Variants in CNTNAP2 observed in about 807,000 individuals in gnomAD.
CNTNAP2 encodes contactin-associated protein-like 2.
CNTNAP2 carries 98 observed loss-of-function variants against 155.2 expected under a neutral mutation model. The ratio of observed to expected loss-of-function variants is 0.63; its 90% CI spans 0.54 to 0.75. The LOEUF is 0.75. Ranked by LOEUF, CNTNAP2 falls within the 30% of genes least tolerant of loss-of-function variation. The pLI, the probability that CNTNAP2 is intolerant of heterozygous loss-of-function variation, is 0.00. For missense variants in CNTNAP2, 1,727 were observed against 1,688.1 expected, an observed-to-expected ratio of 1.02 and a Z score of -0.40; for synonymous variants, 651 against 631.2, an observed-to-expected ratio of 1.03 and a Z score of -0.47.
chr7:147,008,314 G>T (rs1461403685), intron 3 of CNTNAP2, among the ~76,000 whole-genome samples: 1 of 152,046 alleles, frequency 6.6e-6, no homozygotes, highest in Non-Finnish European at 1.5e-5. Flanking sequence ...AGGAGAGAAT[G>T]AACTATAATT....
At chr7:146,896,596 C>T (rs567415671) in intron 3 of CNTNAP2, among the ~76,000 whole-genome samples, 2 of 152,062 alleles carry the variant, frequency 1.3e-5, no homozygotes, top group Admixed American at 1.3e-4. Flanking sequence ...CAGGCAATAT[C>T]AAATATTATG....
intron 1 of CNTNAP2, among the ~76,000 whole-genome samples, chr7:146,387,811 C>A (rs139561333): frequency 8.6e-5 from 13 of 151,906 alleles, no homozygotes; most frequent in African/African-American, 3.1e-4. Context: ...AAAGGGTGCA[C>A]CCAGGAGACA....
At chr7:147,414,941 CAAAAAA>C (rs67048724) in intron 10 of CNTNAP2, among the ~76,000 whole-genome samples, 1 of 50,980 alleles carries the variant, frequency 2.0e-5, no homozygotes, top group Non-Finnish European at 3.8e-5. Context: ...GACTCCTTCT[CAAAAAA>C]AAAAAAAAAA....
intron 10 of CNTNAP2, among the ~76,000 whole-genome samples, chr7:147,483,479 T>C (rs929560025): frequency 2.6e-5 from 4 of 152,172 alleles, no homozygotes; most frequent in African/African-American, 7.2e-5. Flanking sequence ...AGTAATCTTT[T>C]CTATCATCGA....
intron 1 of CNTNAP2, among the ~76,000 whole-genome samples, chr7:146,449,937 G>T (rs1351079010): frequency 3.3e-5 from 5 of 152,132 alleles, no homozygotes; most frequent in Non-Finnish European, 7.4e-5. Flanking sequence ...GTTGATTTCT[G>T]TGGAGCACTG....
At chr7:147,082,376 C>A (rs558607397) in intron 4 of CNTNAP2, among the ~76,000 whole-genome samples, 66 of 152,288 alleles carry the variant, frequency 4.3e-4, no homozygotes, top group African/African-American at 1.5e-3. Context: ...TTACTGAGAA[C>A]AGAGCCAAAA....
chr7:146,974,149 C>T (rs1524338), intron 3 of CNTNAP2, among the ~76,000 whole-genome samples: 2,205 of 152,164 alleles, frequency 0.014, 46 homozygotes, highest in African/African-American at 0.049. Flanking sequence ...ATATAGAGGA[C>T]AGGGGATGAG....
At chr7:147,295,579 A>G (rs1805423696) in intron 8 of CNTNAP2, among the ~76,000 whole-genome samples, 1 of 152,174 alleles carries the variant, frequency 6.6e-6, no homozygotes, top group African/African-American at 2.4e-5. Context: ...AGAGCTTAGA[A>G]CTTTATACTA....
rs10260427 is a variant in CNTNAP2, at chr7:147,070,737, C to T, written c.550+26683C>T. On this transcript the variant is annotated intron_variant, in intron 4 of 23. Transcript: ENST00000361727. Reference sequence around the variant, plus strand: ...ATGTTTTTATGTCCTTCTTAGAGTACGGATTCCATGTCAGGCAACTTTAAC... The same window carrying T: ...ATGTTTTTATGTCCTTCTTAGAGTATGGATTCCATGTCAGGCAACTTTAAC... 4.6e-5 allele frequency among the ~76,000 whole-genome samples: 7 copies of T among 152,036 alleles called. No homozygotes were observed. In the South Asian group the frequency reaches 6.2e-4, roughly 14 times the overall value.
chr7:148,319,513 G>A (rs549558526), intron 21 of CNTNAP2, among the ~76,000 whole-genome samples: 12 of 152,250 alleles, frequency 7.9e-5, no homozygotes, highest in South Asian at 4.1e-4. Context: ...ACCTACCGTG[G>A]CCTGTTAGGA....
At chr7:146,189,800 T>G (rs1798675896) in intron 1 of CNTNAP2, among the ~76,000 whole-genome samples, 1 of 152,214 alleles carries the variant, frequency 6.6e-6, no homozygotes, top group Non-Finnish European at 1.5e-5. Context: ...CTTTTGCTCA[T>G]TTAATGTAAT....
chr7:147,474,236 G>A (rs978142507), intron 10 of CNTNAP2, among the ~76,000 whole-genome samples: 1 of 151,832 alleles, frequency 6.6e-6, no homozygotes, highest in African/African-American at 2.4e-5. Flanking sequence ...ATATGATGGG[G>A]TTGCAGAGAT....
At position 146,882,075 on chromosome 7, in the gene CNTNAP2, T is replaced by C. The variant is rs375392022; in HGVS notation, c.402+42171T>C. On this transcript the variant is annotated intron_variant, in intron 3 of 23. Coordinates refer to ENST00000361727, the MANE Select transcript of CNTNAP2 (RefSeq NM_014141.6). Reference sequence around the variant, plus strand: ...TGAAGATACGCAGTATTTGGTTTTCTGTTCCCGCATTAATTAGCTTAGGAT... The same window carrying C: ...TGAAGATACGCAGTATTTGGTTTTCCGTTCCCGCATTAATTAGCTTAGGAT... 3.9e-5 allele frequency among the ~76,000 whole-genome samples: 6 copies of C among 152,226 alleles called. No individual in the cohort carries two copies. In the East Asian group the frequency reaches 7.8e-4, roughly 20 times the overall value.
intron 8 of CNTNAP2, among the ~76,000 whole-genome samples, chr7:147,210,059 T>A (rs1803112442): frequency 6.6e-6 from 1 of 152,064 alleles, no homozygotes; most frequent in Non-Finnish European, 1.5e-5. Context: ...AGTTTTCTTT[T>A]TCATTGTGTC....
chr7:146,745,764 G>GAAA (rs112857634), intron 1 of CNTNAP2, among the ~76,000 whole-genome samples: 4 of 96,918 alleles, frequency 4.1e-5, no homozygotes, highest in African/African-American at 6.5e-5. Flanking sequence ...GACTCCATCT[G>GAAA]AAAAAAAAAA....
intron 1 of CNTNAP2, among the ~76,000 whole-genome samples, chr7:146,297,917 A>G (rs1313734813): frequency 6.6e-6 from 1 of 152,180 alleles, no homozygotes; most frequent in African/African-American, 2.4e-5. Flanking sequence ...AAATAAAAAA[A>G]ACTTTATTAT....
At chr7:146,202,259 T>C (rs1045438881) in intron 1 of CNTNAP2, among the ~76,000 whole-genome samples, 4 of 152,214 alleles carry the variant, frequency 2.6e-5, no homozygotes, top group Non-Finnish European at 5.9e-5. Context: ...AAGAGTTTTT[T>C]ACTGGTCTCT....
At chr7:147,013,889 C>G (rs1321286182) in intron 3 of CNTNAP2, among the ~76,000 whole-genome samples, 1 of 152,086 alleles carries the variant, frequency 6.6e-6, no homozygotes, top group African/African-American at 2.4e-5. Context: ...GAACAGAAAT[C>G]TAATTATTTC....
intron 1 of CNTNAP2, among the ~76,000 whole-genome samples, chr7:146,134,880 G>A (rs1584765952): frequency 6.6e-6 from 1 of 151,236 alleles, no homozygotes; most frequent in Admixed American, 6.6e-5. Context: ...CTCTTTTTTT[G>A]TTGTGTCTCT....
Sources: allele counts gnomAD v4.1 joint callset (sites outside exome capture counted in the v4.1 genomes callset), GRCh38; gene constraint gnomAD v4.1.1; transcripts MANE v1.5; gene names NCBI Gene and HGNC (gene_info 2026-07-23, HGNC 2026-07-21).